The following ANO8 variants were observed in gnomAD, a reference collection of about 807,000 sequenced individuals.
The protein encoded by ANO8 is anoctamin 8.
Under a neutral mutation model 120.4 loss-of-function variants are expected in ANO8, and 67 were observed. The observed-to-expected ratio is 0.56, with a 90% confidence interval of 0.46 to 0.68. The LOEUF is 0.68. ANO8 is among the 30% of genes least tolerant of loss of function. The pLI is 0.00. For missense variants in ANO8, 1,526 were observed against 1,737.6 expected (o/e 0.88, Z 2.16); for synonymous variants, 727 against 759.2 (o/e 0.96, Z 0.70).
At chr19:17,329,642 A>G (rs2074302159) in intron 12 of ANO8, 115 bp downstream of exon 12, 2 of 732,084 alleles carry the variant, frequency 2.7e-6, no homozygotes, top group Non-Finnish European at 4.6e-6. Context: ...ACAGGAGAGA[A>G]GGATGGAGGA....
At position 17,331,285 on chromosome 19, in the gene ANO8, C is replaced by T; in HGVS notation, c.703+10G>A. 1 of 1,614,178 alleles carries T rather than the reference C, an allele frequency of 6.2e-7. No individual in the cohort carries two copies. ...TGGGACTCCCTCCCACCCCCCAGCC[C>T]AGGCAGCACCTAGAGGCTGGTTTTC... On this transcript the variant is annotated intron_variant, in intron 6 of 17. Transcript: ENST00000159087.
Position 17,324,698 on chromosome 19 carries a change from C to A in ANO8, c.3331+19G>T, listed in dbSNP as rs200964949. On this transcript the variant is annotated intron_variant, in intron 17 of 17. Transcript: ENST00000159087. Reference sequence around the variant, plus strand: ...CAAAGCCGGCCCGGCGTCCCCACCCCCGAGTTAAAGCTTGTGACCTGAGCC... The same window carrying A: ...CAAAGCCGGCCCGGCGTCCCCACCCACGAGTTAAAGCTTGTGACCTGAGCC... The A allele has an allele frequency of 2.6e-6, 4 of 1,515,904 alleles. No individual in the cohort carries two copies. The South Asian group carries it at 5.3e-5, about 20-fold the overall frequency. 93.9% of individuals were successfully genotyped at this position (1,515,904 alleles called of 1,614,324 possible).
intron 5 of ANO8, 85 bp from the exon 6 acceptor site, chr19:17,331,496 C>T (rs540894257): frequency 6.5e-6 from 8 of 1,235,950 alleles, no homozygotes; most frequent in Middle Eastern, 2.4e-4. Context: ...ACCCAAGTCA[C>T]AGCTTTTTGC....
Position 17,325,725 on chromosome 19 carries a change from C to T in ANO8, c.2662-339G>A, listed in dbSNP as rs374720990. On this transcript the variant is annotated intron_variant, in intron 16 of 17. Coordinates refer to ENST00000159087, the MANE Select transcript of ANO8 (RefSeq NM_020959.3). Reference sequence around the variant, plus strand: ...GGAGGATCACTTGAGGCCAGGAGTTCGAGACCAGCCTGGACAAAATGGCAA... The same window carrying T: ...GGAGGATCACTTGAGGCCAGGAGTTTGAGACCAGCCTGGACAAAATGGCAA... 3.0e-4 allele frequency among the ~76,000 whole-genome samples: 46 copies of T among 152,288 alleles called. 1 individual carries two copies. The highest frequency in any genetic ancestry group is 9.9e-4 in the African/African-American group (41 of 41,562).
At position 17,330,029 on chromosome 19, in the gene ANO8, G is replaced by A; in HGVS notation, c.1274-15C>T. On this transcript the variant is annotated splice_polypyrimidine_tract_variant and intron_variant, in intron 10 of 17. Transcript: ENST00000159087. Reference sequence around the variant, plus strand: ...CCGGTAATTTTCTAGGGGCCAAGGGGGGGAGTGAGGGGGCAGCCGCGGTCC... The same window carrying A: ...CCGGTAATTTTCTAGGGGCCAAGGGAGGGAGTGAGGGGGCAGCCGCGGTCC... 1 of 1,614,034 alleles carries A rather than the reference G, an allele frequency of 6.2e-7. No homozygotes were observed. Among genetic ancestry groups the A allele is most frequent in the African/African-American group, 1.3e-5 (1 of 75,014 alleles).
At chr19:17,329,874 C>T (rs752302963) in intron 11 of ANO8, 43 bp from the exon 12 acceptor site, 10 of 1,613,144 alleles carry the variant, frequency 6.2e-6, no homozygotes, top group Admixed American at 3.3e-5. Context: ...CACCCCCACC[C>T]GACTCCTTGG....
At chr19:17,327,650 C>T (rs761178747) in intron 14 of ANO8, 39 bp downstream of exon 14, 16 of 1,607,944 alleles carry the variant, frequency 1.0e-5, no homozygotes, top group Non-Finnish European at 1.3e-5. Context: ...ACCTGGGCTC[C>T]CTCTGGGCCT....
rs1473660876 is a variant in ANO8, at chr19:17,333,106, AGGTGAAGAAGCGTAGCTCGC to A, written c.464_483del (p.Ser155IlefsTer69). ...GGGCCCAGAGCCGGCCTCACCTGGG[AGGTGAAGAAGCGTAGCTCGC>A]TCTCCACATTCTCATAGATAAAGTC... On this transcript the variant is annotated frameshift_variant, in exon 4 of 18. Coordinates refer to ENST00000159087, the MANE Select transcript of ANO8 (RefSeq NM_020959.3). LOFTEE classifies it high-confidence loss of function. The surrounding 1 kb of genome is among the most constrained non-coding windows in gnomAD (Gnocchi z 7.2). 1 of 1,614,022 alleles carries A rather than the reference AGGTGAAGAAGCGTAGCTCGC, an allele frequency of 6.2e-7. No individual in the cohort carries two copies. Among genetic ancestry groups the A allele is most frequent in the Admixed American group, 1.7e-5 (1 of 60,022 alleles).
intron 16 of ANO8, 121 bp downstream of exon 16, chr19:17,327,114 A>C: frequency 1.1e-6 from 1 of 900,210 alleles, no homozygotes; most frequent in Non-Finnish European, 1.6e-6. Context: ...AGCACTAATT[A>C]TTATACCCAG....
At chr19:17,331,442 C>T (rs1480484327) in intron 5 of ANO8, 31 bp from the exon 6 acceptor site, 1 of 1,595,686 alleles carries the variant, frequency 6.3e-7, no homozygotes, top group Non-Finnish European at 8.6e-7. Context: ...GTGATCCCCG[C>T]CCCTCCACCT....
chr19:17,329,533 G>A, intron 12 of ANO8: 1 of 584,144 alleles, frequency 1.7e-6, no homozygotes, highest in East Asian at 2.9e-5. Context: ...GGGACAGGAC[G>A]AGCAGGAGCT....
In ANO8 at chr19:17,328,788, C is replaced by A. The variant is rs1245288420; in HGVS notation, c.1600G>T (p.Gly534Trp). 1.5e-6 allele frequency: 2 copies of A among 1,361,170 alleles called. No homozygotes were observed. Among genetic ancestry groups the A allele is most frequent in the Admixed American group, 3.9e-5 (1 of 25,816 alleles). The allele number at this position is 1,361,170 out of a possible 1,614,324, so 84.3% of individuals were successfully genotyped here. The change falls in exon 13 of 18, where the codon GGG becomes TGG. Residue 534 changes from glycine (G) to tryptophan (W), a missense_variant. By Grantham distance (184) the Gly-to-Trp change is radical. Coordinates refer to ENST00000159087, the MANE Select transcript of ANO8 (RefSeq NM_020959.3). ...RRLEPQADEG[G>W]GGGSGGGGRR... ...CCCCCGCCCCCGCTGCCGCCGCCCC[C>A]GCCCTCATCCGCCTGGGGTTCGAGG...
At chr19:17,326,070 G>T (rs2074272108) in intron 16 of ANO8, among the ~76,000 whole-genome samples, 1 of 152,206 alleles carries the variant, frequency 6.6e-6, no homozygotes. Context: ...TACTTTCTGG[G>T]AATTGAAAAG....
chr19:17,332,947 A>G lies in ANO8; in HGVS notation c.569T>C (p.Leu190Pro), dbSNP rs1466710631. ...CTGCTCACTGATTGGCTGGTCCTCC[A>G]GGAAGCGCACGTTGTGGAGTGCTTC... ...QGEALHNVRFLEDQPIIPELA... is the reference protein window; with the variant it reads ...QGEALHNVRFPEDQPIIPELA... The change falls in exon 5 of 18, where the codon CTG becomes CCG. Residue 190 changes from leucine (L) to proline (P), a missense_variant. Physicochemically the swap from Leu to Pro is moderately conservative, Grantham distance 98 (BLOSUM62 -3). Around this residue, in one of 8 missense-constraint regions of ANO8, gnomAD observed 322 missense variants for 431.8 expected, o/e 0.75. Transcript: ENST00000159087. The G allele has an allele frequency of 6.2e-7, 1 of 1,614,030 alleles. No individual in the cohort carries two copies. Among genetic ancestry groups the G allele is most frequent in the Non-Finnish European group, 8.5e-7 (1 of 1,180,050 alleles).
chr19:17,331,016 C>T lies in ANO8; in HGVS notation c.832-27G>A. The stretch of plus-strand genomic sequence containing the variant: ...TGTGAGTGGCAGAGAAGAGTTGAGT[C>T]ATTGTTTGTGCCAGTCCAGAAAGGA... On this transcript the variant is annotated intron_variant, in intron 7 of 17. Coordinates refer to ENST00000159087, the MANE Select transcript of ANO8 (RefSeq NM_020959.3). 3 of 1,613,974 alleles carry T rather than the reference C, an allele frequency of 1.9e-6. No individual in the cohort carries two copies. The South Asian group carries it at 3.3e-5, about 18-fold the overall frequency.
At chr19:17,332,892 T>G (rs767827410) in intron 5 of ANO8, 38 bp downstream of exon 5, 2 of 1,609,424 alleles carry the variant, frequency 1.2e-6, no homozygotes, top group Non-Finnish European at 1.7e-6. Flanking sequence ...TCCACCCAAC[T>G]CTCTGCCTGT....
chr19:17,333,174 GT>G lies in ANO8; in HGVS notation c.415del (p.Thr139ProfsTer79). The G allele has an allele frequency of 6.2e-7, 1 of 1,610,386 alleles. No homozygotes were observed. Among genetic ancestry groups the G allele is most frequent in the Non-Finnish European group, 8.5e-7 (1 of 1,178,418 alleles). On this transcript the variant is annotated frameshift_variant, in exon 4 of 18. Transcript: ENST00000159087. LOFTEE classifies it high-confidence loss of function. This position sits in a 1 kb window ranked among gnomAD's most constrained non-coding sequence, Gnocchi z 7.2. ...GTCCTCCTCGCAGGAGAAGCCGCGG[GT>G]GCCCCCGCCAAACTCGGCCTTCACT... ...KAVKAEFGGG[T>X]RGFSCEEDFI...
In ANO8 at chr19:17,324,648, A is replaced by C. The variant is rs1309739795; in HGVS notation, c.3331+69T>G. On this transcript the variant is annotated intron_variant, in intron 17 of 17. Transcript: ENST00000159087. ...CCTGTCCCCTTCAGCCCCTCTCCCC[A>C]GGCCTGGCCACCCTACCCTATCCCC... The C allele has an allele frequency of 7.4e-6, 11 of 1,484,260 alleles. No individual in the cohort carries two copies. In the Admixed American group the frequency reaches 1.6e-4, roughly 22 times the overall value. 91.9% of individuals were successfully genotyped at this position (1,484,260 alleles called of 1,614,324 possible). A position where few individuals can be genotyped will look rare whatever the true frequency, so the allele number is the denominator to read the frequency against.
chr19:17,329,850 C>G lies in ANO8; in HGVS notation c.1330-19G>C. ...ACTGGAACTGCAGGAAGGAGGCAGG[C>G]GGTGGTCATCCTGCACCCCCACCCG... On this transcript the variant is annotated intron_variant, in intron 11 of 17. Coordinates refer to ENST00000159087, the MANE Select transcript of ANO8 (RefSeq NM_020959.3). The G allele has an allele frequency of 6.2e-7, 1 of 1,613,400 alleles. No homozygotes were observed. Among genetic ancestry groups the G allele is most frequent in the East Asian group, 2.2e-5 (1 of 44,866 alleles).
Sources: gnomAD v4.1 joint callset for allele counts (sites outside exome capture counted in the v4.1 genomes callset) on GRCh38, gnomAD v4.1.1 for gene constraint, gnomAD v4.1.1 regional missense constraint, Gnocchi (gnomAD v3.1) non-coding constraint, MANE v1.5 for transcripts, NCBI Gene and HGNC (gene_info 2026-07-23, HGNC 2026-07-21) for gene names.